Variants in UBASH3B observed in about 807,000 individuals in gnomAD.
UBASH3B encodes the protein ubiquitin-associated and SH3 domain-containing protein B.
In UBASH3B, 37 loss-of-function variants were observed where a neutral mutation model predicts 83.4. The ratio of observed to expected loss-of-function variants is 0.44; its 90% CI spans 0.34 to 0.58. The LOEUF (loss-of-function observed/expected upper bound fraction) is 0.58. Ranked by LOEUF, UBASH3B falls within the 20% of genes least tolerant of loss-of-function variation. The pLI is 0.01. For synonymous variants in UBASH3B, 304 were observed against 318.3 expected, an observed-to-expected ratio of 0.96 and a Z score of 0.48; for missense variants, 657 against 827.2, an observed-to-expected ratio of 0.79 and a Z score of 2.52.
chr11:122,725,342 A>AAAAAAAAAAAAAAGAGAG (rs71281633), intron 1 of UBASH3B, among the ~76,000 whole-genome samples: 28 of 130,774 alleles, frequency 2.1e-4, no homozygotes, highest in Non-Finnish European at 3.2e-4. Context: ...AAAAAAAAAA[A>AAAAAAAAAAAAAAGAGAG]AAGAAAAGAA....
chr11:122,734,012 A>G (rs1024700406), intron 1 of UBASH3B, among the ~76,000 whole-genome samples: 5 of 152,058 alleles, frequency 3.3e-5, no homozygotes, highest in Non-Finnish European at 7.4e-5. Flanking sequence ...CAGCCTCTTT[A>G]GTAGCTGAGA....
chr11:122,693,126 C>T (rs1023302334), intron 1 of UBASH3B, among the ~76,000 whole-genome samples: 1 of 152,098 alleles, frequency 6.6e-6, no homozygotes, highest in African/African-American at 2.4e-5. Context: ...TGACAAAGAA[C>T]CTTCTCAAGG....
intron 1 of UBASH3B, among the ~76,000 whole-genome samples, chr11:122,683,001 T>G (rs1863761480): frequency 6.6e-6 from 1 of 152,042 alleles, no homozygotes; most frequent in Admixed American, 6.6e-5. Context: ...ATCACAAAAC[T>G]CCGGGAGGCC....
At chr11:122,761,809 T>G (rs1861375231) in intron 1 of UBASH3B, among the ~76,000 whole-genome samples, 1 of 100,920 alleles carries the variant, frequency 9.9e-6, no homozygotes, top group African/African-American at 4.2e-5. Flanking sequence ...TTTTTTTTTT[T>G]TGAGACAGGG....
intron 2 of UBASH3B, among the ~76,000 whole-genome samples, 192 bp downstream of exon 2, chr11:122,776,464 C>A (rs2135139843): frequency 6.6e-6 from 1 of 152,252 alleles, no homozygotes; most frequent in East Asian, 1.9e-4. Flanking sequence ...CTCCTTGGAG[C>A]TGTTTAAAGA....
intron 1 of UBASH3B, among the ~76,000 whole-genome samples, chr11:122,760,351 G>GTTTTTTTTTT (rs375379374): frequency 7.0e-6 from 1 of 143,756 alleles, no homozygotes; most frequent in African/African-American, 2.6e-5. Context: ...AACAGAGAAA[G>GTTTTTTTTTT]TTTTTTTTTT....
intron 1 of UBASH3B, among the ~76,000 whole-genome samples, chr11:122,767,586 C>T (rs1208116990): frequency 1.1e-4 from 17 of 152,218 alleles, no homozygotes; most frequent in Non-Finnish European, 2.1e-4. Context: ...GCTGGGATTA[C>T]AGGCGTGAGC....
At chr11:122,772,463 A>T (rs769855938) in intron 1 of UBASH3B, among the ~76,000 whole-genome samples, 5 of 152,006 alleles carry the variant, frequency 3.3e-5, no homozygotes, top group Admixed American at 6.6e-5. Flanking sequence ...GAAAGAAGGG[A>T]GAGGAGGGAG....
intron 1 of UBASH3B, among the ~76,000 whole-genome samples, chr11:122,676,481 C>A (rs1863669621): frequency 6.6e-6 from 1 of 152,086 alleles, no homozygotes; most frequent in Non-Finnish European, 1.5e-5. Context: ...GCAGAGGTTG[C>A]AGTGAGCCGA....
intron 1 of UBASH3B, among the ~76,000 whole-genome samples, chr11:122,746,632 G>A (rs1026478859): frequency 6.6e-6 from 1 of 152,214 alleles, no homozygotes; most frequent in Admixed American, 6.5e-5. Flanking sequence ...GATAAGACTG[G>A]AAGGGCTAAT....
At position 122,809,852 on chromosome 11, in the gene UBASH3B, G is replaced by A. The variant is rs1231311756; in HGVS notation, c.1916G>A (p.Gly639Asp). ...ILPLTHGPTG[G>D]FNWRETLLQE The stretch of plus-strand genomic sequence containing the variant: ...CCTCTTACCCATGGACCAACTGGGG[G>A]CTTCAACTGGAGAGAGACCTTGCTT... Residue 639 changes from glycine (G) to aspartate (D), a missense_variant, in exon 14 of 14, where the codon GGC (glycine) becomes GAC (aspartate). Gly to Asp is a moderately conservative substitution (Grantham distance 94, BLOSUM62 -1). Coordinates refer to ENST00000284273, the MANE Select transcript of UBASH3B (RefSeq NM_032873.5). The A allele has an allele frequency of 3.7e-6, 6 of 1,614,184 alleles. No individual in the cohort carries two copies. Among genetic ancestry groups the A allele is most frequent in the Admixed American group, 1.7e-5 (1 of 60,012 alleles).
intron 1 of UBASH3B, among the ~76,000 whole-genome samples, chr11:122,674,174 C>A (rs1355701514): frequency 1.3e-5 from 2 of 152,012 alleles, no homozygotes; most frequent in Non-Finnish European, 2.9e-5. Flanking sequence ...TGCTAAGTGC[C>A]CACAAACACA....
rs1390185159 is a variant in UBASH3B, at chr11:122,659,734, G to C, written c.161+3524G>C. Among the ~76,000 whole-genome samples, 4 of 152,244 alleles carry C rather than the reference G, an allele frequency of 2.6e-5. No individual in the cohort carries two copies. In the East Asian group the frequency reaches 7.7e-4, roughly 29 times the overall value. The stretch of plus-strand genomic sequence containing the variant: ...CTTGGATGTGATGCTTTAAGAAGGG[G>C]TAAGATGGTTGTCTCAAACCTGGCC... On this transcript the variant is annotated intron_variant, in intron 1 of 13. Coordinates refer to ENST00000284273, the MANE Select transcript of UBASH3B (RefSeq NM_032873.5).
chr11:122,657,002 G>C (rs1439372730), intron 1 of UBASH3B, among the ~76,000 whole-genome samples: 1 of 152,200 alleles, frequency 6.6e-6, no homozygotes, highest in African/African-American at 2.4e-5. Flanking sequence ...ATAGGGTGGC[G>C]GCGGCCGGAG....
intron 5 of UBASH3B, among the ~76,000 whole-genome samples, chr11:122,786,549 C>T (rs529788355): frequency 1.3e-5 from 2 of 152,184 alleles, no homozygotes; most frequent in South Asian, 4.2e-4. Context: ...CCCAGCTACT[C>T]GGGAGGCTGA....
At chr11:122,719,712 G>C (rs891608465) in intron 1 of UBASH3B, among the ~76,000 whole-genome samples, 2 of 152,170 alleles carry the variant, frequency 1.3e-5, no homozygotes, top group African/African-American at 4.8e-5. Flanking sequence ...TCTACTGGCT[G>C]TTTCCACTTC....
chr11:122,732,118 C>A (rs142131589), intron 1 of UBASH3B, among the ~76,000 whole-genome samples: 62 of 152,308 alleles, frequency 4.1e-4, no homozygotes, highest in Middle Eastern at 6.8e-3. Context: ...CTGAGGATGA[C>A]AAAGGAGCTT....
At chr11:122,715,485 C>G (rs1860504259) in intron 1 of UBASH3B, among the ~76,000 whole-genome samples, 1 of 152,202 alleles carries the variant, frequency 6.6e-6, no homozygotes, top group South Asian at 2.1e-4. Context: ...AATAGAACCT[C>G]TGAGGCTGTT....
chr11:122,719,978 C>T (rs905630404), intron 1 of UBASH3B, among the ~76,000 whole-genome samples: 1 of 152,172 alleles, frequency 6.6e-6, no homozygotes, highest in Non-Finnish European at 1.5e-5. Context: ...CCTTGGCTGG[C>T]TTCCTCATCT....
Sources: gnomAD v4.1 joint callset for allele counts (sites outside exome capture counted in the v4.1 genomes callset) on GRCh38, gnomAD v4.1.1 for gene constraint, MANE v1.5 for transcripts, NCBI Gene and HGNC (gene_info 2026-07-23, HGNC 2026-07-21) for gene names.